DCBLD2: variants seen among roughly 807,000 people sequenced by gnomAD.
The protein encoded by DCBLD2 is discoidin, CUB and LCCL domain containing 2, also known as discoidin, CUB and LCCL domain-containing protein 2.
DCBLD2 carries 54 observed loss-of-function variants against 86.8 expected under a neutral mutation model. That is an observed-to-expected ratio of 0.62 (90% CI 0.50 to 0.78). The LOEUF is 0.78. Ranked by LOEUF, DCBLD2 falls within the 30% of genes least tolerant of loss-of-function variation. The pLI is 0.00. For synonymous variants in DCBLD2, 354 were observed against 341.3 expected (o/e 1.04, Z -0.41); for missense variants, 908 against 954.2 (o/e 0.95, Z 0.64).
chr3:98,799,636 G>A lies in DCBLD2; in HGVS notation c.2064C>T (p.His688=). 2.5e-6 allele frequency: 4 copies of A among 1,614,026 alleles called. No individual in the cohort carries two copies. The highest frequency in any genetic ancestry group is 3.4e-6 in the Non-Finnish European group (4 of 1,179,902). ...AGGGCTGACCAACTGAAGTTGTGGG[G>A]TGCCCTGACATGTCCATGATGATTG... ...ATPIIMDMSG[H]PTTSVGQPST... The change falls in exon 16 of 16, where the codon CAC becomes CAT. Residue 688 remains histidine (H), a synonymous_variant. Transcript: ENST00000326840.
intron 4 of DCBLD2, among the ~76,000 whole-genome samples, chr3:98,824,121 C>G (rs902824016): frequency 6.6e-6 from 1 of 151,990 alleles, no homozygotes; most frequent in Non-Finnish European, 1.5e-5. Context: ...GACAGACGGG[C>G]AGGTAATGCA....
At chr3:98,844,908 C>T (rs764754367) in intron 3 of DCBLD2, among the ~76,000 whole-genome samples, 23 of 152,122 alleles carry the variant, frequency 1.5e-4, no homozygotes, top group Non-Finnish European at 2.5e-4. Flanking sequence ...CACTGTGTGG[C>T]GAATAGACTG....
intron 2 of DCBLD2, among the ~76,000 whole-genome samples, chr3:98,861,299 C>A (rs1943038967): frequency 8.2e-6 from 1 of 121,812 alleles, no homozygotes; most frequent in African/African-American, 3.1e-5. Flanking sequence ...ACCCCACTGT[C>A]AGCATTAGAC....
chr3:98,807,062 C>T (rs1044408212), intron 13 of DCBLD2, among the ~76,000 whole-genome samples: 6 of 152,148 alleles, frequency 3.9e-5, no homozygotes, highest in African/African-American at 1.4e-4. Context: ...GCTTGACACT[C>T]AAGTGACTTT....
intron 9 of DCBLD2, 135 bp downstream of exon 9, chr3:98,817,634 C>T (rs1321930373): frequency 1.3e-6 from 1 of 776,186 alleles, no homozygotes; most frequent in African/African-American, 1.8e-5. Context: ...GCCAATAACA[C>T]TACCTAAAAT....
intron 1 of DCBLD2, among the ~76,000 whole-genome samples, chr3:98,896,759 C>T (rs1453234720): frequency 6.6e-6 from 1 of 152,110 alleles, no homozygotes; most frequent in Non-Finnish European, 1.5e-5. Flanking sequence ...AAACCGAATC[C>T]AGGAGCCACA....
chr3:98,866,522 C>T lies in DCBLD2; in HGVS notation c.433+15018G>A, dbSNP rs373579334. 2.6e-5 allele frequency among the ~76,000 whole-genome samples: 4 copies of T among 152,234 alleles called. No homozygotes were observed. The South Asian group carries it at 6.2e-4, about 24-fold the overall frequency. ...ATAAATGTCTTCTTTTGAGAAGTGTCTGTTCATATCATTTGCCCACTTGTT... is the reference window on the plus strand; with the variant it reads ...ATAAATGTCTTCTTTTGAGAAGTGTTTGTTCATATCATTTGCCCACTTGTT... On this transcript the variant is annotated intron_variant, in intron 2 of 15. Coordinates refer to ENST00000326840, the MANE Select transcript of DCBLD2 (RefSeq NM_080927.4).
chr3:98,836,637 G>T (rs1942458704), intron 3 of DCBLD2, among the ~76,000 whole-genome samples: 1 of 138,776 alleles, frequency 7.2e-6, no homozygotes, highest in Admixed American at 7.2e-5. Flanking sequence ...CGGCTGGCCG[G>T]GCAGAGGGGC....
chr3:98,842,976 A>C (rs977202886), intron 3 of DCBLD2, among the ~76,000 whole-genome samples: 6 of 152,090 alleles, frequency 3.9e-5, no homozygotes, highest in Non-Finnish European at 7.4e-5. Flanking sequence ...AAAATTAAAA[A>C]CATAGAAAAC....
intron 2 of DCBLD2, among the ~76,000 whole-genome samples, chr3:98,870,727 AAAAGAAAGAAAAAG>A (rs1943249485): frequency 1.2e-5 from 1 of 84,750 alleles, no homozygotes; most frequent in Non-Finnish European, 2.5e-5. Flanking sequence ...AAAGGAAAAG[AAAAGAAAGAAAAAG>A]AAAGAAAGAA....
At chr3:98,849,892 A>AG (rs1942802684) in intron 2 of DCBLD2, among the ~76,000 whole-genome samples, 1 of 121,348 alleles carries the variant, frequency 8.2e-6, no homozygotes. Flanking sequence ...AGGGACTAAA[A>AG]AAAAAATTAA....
intron 12 of DCBLD2, among the ~76,000 whole-genome samples, chr3:98,808,566 A>T (rs1941881317): frequency 6.6e-6 from 1 of 152,220 alleles, no homozygotes; most frequent in Non-Finnish European, 1.5e-5. Flanking sequence ...ATTAACTAGT[A>T]ATACATTAAA....
chr3:98,858,790 T>C (rs1409662688), intron 2 of DCBLD2, among the ~76,000 whole-genome samples: 3 of 152,162 alleles, frequency 2.0e-5, no homozygotes, highest in African/African-American at 7.2e-5. Context: ...ATTATACAAA[T>C]AGCCAACAGA....
At chr3:98,889,362 T>C (rs1943617640) in intron 1 of DCBLD2, among the ~76,000 whole-genome samples, 1 of 151,898 alleles carries the variant, frequency 6.6e-6, no homozygotes, top group Non-Finnish European at 1.5e-5. Flanking sequence ...TAATTAAAGG[T>C]TCTCAGGCTC....
At chr3:98,856,206 G>T (rs905892674) in intron 2 of DCBLD2, among the ~76,000 whole-genome samples, 51 of 152,054 alleles carry the variant, frequency 3.4e-4, no homozygotes, top group African/African-American at 1.1e-3. Context: ...ATGGGGGCAG[G>T]ATCTCACAGG....
At chr3:98,802,382 C>T (rs573161962) in intron 13 of DCBLD2, among the ~76,000 whole-genome samples, 288 of 152,186 alleles carry the variant, frequency 1.9e-3, no homozygotes, top group Admixed American at 6.5e-3. Context: ...TCATATCTTT[C>T]GCCCACTTGT....
At chr3:98,863,161 C>A (rs1185238008) in intron 2 of DCBLD2, among the ~76,000 whole-genome samples, 1 of 152,140 alleles carries the variant, frequency 6.6e-6, no homozygotes, top group African/African-American at 2.4e-5. Context: ...ATCCAACTTA[C>A]AAGGGATGTG....
intron 2 of DCBLD2, among the ~76,000 whole-genome samples, chr3:98,850,377 A>G (rs1301870348): frequency 2.0e-5 from 3 of 152,252 alleles, no homozygotes; most frequent in Admixed American, 2.0e-4. Flanking sequence ...TCATGTTTTA[A>G]GAAAGTTTAT....
intron 2 of DCBLD2, among the ~76,000 whole-genome samples, chr3:98,855,501 G>A (rs1284679188): frequency 6.6e-6 from 1 of 152,216 alleles, no homozygotes; most frequent in East Asian, 1.9e-4. Flanking sequence ...ACATAAAAAA[G>A]TGTCAGTTTT....
Sources: gnomAD v4.1 joint callset for allele counts (sites outside exome capture counted in the v4.1 genomes callset) on GRCh38, gnomAD v4.1.1 for gene constraint, MANE v1.5 for transcripts, NCBI Gene and HGNC (gene_info 2026-07-23, HGNC 2026-07-21) for gene names.